Variants in HIVEP1 observed in about 807,000 individuals in gnomAD.
HIVEP1 encodes zinc finger protein 40.
Under a neutral mutation model 180.0 loss-of-function variants are expected in HIVEP1, and 36 were observed. The ratio of observed to expected loss-of-function variants is 0.20; its 90% confidence interval spans 0.15 to 0.26. The LOEUF (loss-of-function observed/expected upper bound fraction) is 0.26. Ranked by LOEUF, HIVEP1 falls within the 10% of genes least tolerant of loss-of-function variation. The pLI is 1.00. For synonymous variants in HIVEP1, 1,239 were observed against 1,239.0 expected (o/e 1.00, Z 0.00); for missense variants, 3,143 against 3,268.7 (o/e 0.96, Z 0.94).
chr6:12,091,389 T>G (rs1773464404), intron 3 of HIVEP1, among the ~76,000 whole-genome samples: 1 of 152,166 alleles, frequency 6.6e-6, no homozygotes, highest in Non-Finnish European at 1.5e-5. Flanking sequence ...TCTAAGGCTT[T>G]GTCTCCATTA....
the HIVEP1 span, among the ~76,000 whole-genome samples, chr6:12,172,896 A>T: frequency 1.3e-5 from 2 of 152,082 alleles, no homozygotes; most frequent in Non-Finnish European, 2.9e-5. Context: ...GTATTCATAA[A>T]ACATCCCATT....
intron 2 of HIVEP1, among the ~76,000 whole-genome samples, chr6:12,075,542 G>A (rs886159699): frequency 5.3e-5 from 8 of 149,924 alleles, no homozygotes; most frequent in African/African-American, 1.7e-4. Context: ...ACAACAACAC[G>A]TGTTGAGTTT....
chr6:12,128,518 C>T (rs988383128), intron 4 of HIVEP1, among the ~76,000 whole-genome samples: 8 of 152,106 alleles, frequency 5.3e-5, no homozygotes, highest in Non-Finnish European at 8.8e-5. Context: ...AAAAGTTGTG[C>T]GTTGCGTTGG....
rs373227572 is a variant in HIVEP1 at position 12,163,299 on chromosome 6, G to C, written c.6995G>C (p.Arg2332Thr). The C allele has an allele frequency of 5.6e-6, 9 of 1,613,770 alleles. No homozygotes were observed. In the East Asian group the frequency reaches 1.3e-4, roughly 24 times the overall value. The change falls in exon 9 of 9, where the codon AGA becomes ACA. Residue 2332 changes from arginine (R) to threonine (T), a missense_variant. Coordinates refer to ENST00000379388, the MANE Select transcript of HIVEP1 (RefSeq NM_002114.4). ...GTCATTTAGAGCCCATCATCTGTAA[G>C]ACTTCCTCCTGCTGCAGCTGAGCAC... Reference protein sequence around the residue: ...VAITQSPSSVRLPPAAAEHSP... With the variant: ...VAITQSPSSVTLPPAAAEHSP...
the HIVEP1 span, among the ~76,000 whole-genome samples, chr6:12,193,254 A>G: frequency 2.0e-5 from 3 of 152,150 alleles, no homozygotes; most frequent in Admixed American, 1.3e-4. Flanking sequence ...TACTTATCCT[A>G]TTTCCCATTT....
At chr6:12,103,691 G>A (rs982823457) in intron 3 of HIVEP1, among the ~76,000 whole-genome samples, 2 of 152,058 alleles carry the variant, frequency 1.3e-5, no homozygotes, top group African/African-American at 2.4e-5. Flanking sequence ...AGAGTATTGT[G>A]TAGGTCTTCA....
intron 7 of HIVEP1, among the ~76,000 whole-genome samples, chr6:12,141,098 A>T (rs1758994837): frequency 6.6e-6 from 1 of 152,196 alleles, no homozygotes; most frequent in African/African-American, 2.4e-5. Context: ...TGAAGGGAAA[A>T]ATGTTAAGGA....
chr6:12,167,730 A>G (rs187222892), downstream of HIVEP1, among the ~76,000 whole-genome samples: 1 of 115,106 alleles, frequency 8.7e-6, no homozygotes. Context: ...ATATACATAT[A>G]TACATGTGTA....
chr6:12,018,715 T>C (rs1338131472), intron 2 of HIVEP1, among the ~76,000 whole-genome samples: 1 of 152,228 alleles, frequency 6.6e-6, no homozygotes, highest in African/African-American at 2.4e-5. Flanking sequence ...TCTGCGAAGC[T>C]GACAAGGCAA....
chr6:12,154,171 C>A (rs963557569), intron 7 of HIVEP1, among the ~76,000 whole-genome samples: 8 of 152,214 alleles, frequency 5.3e-5, no homozygotes, highest in Non-Finnish European at 8.8e-5. Context: ...TGAATTTATT[C>A]TAGTCGTCTC....
rs758414281 is a variant in HIVEP1, at chr6:12,163,404, T to C, written c.7100T>C (p.Leu2367Pro). The change falls in exon 9 of 9, where the codon CTA becomes CCA. Residue 2367 changes from leucine to proline, a missense_variant. By Grantham distance (98) the Leu-to-Pro change is moderately conservative. Around this residue, in one of 12 missense-constraint regions of HIVEP1, gnomAD observed 595 missense variants for 602.2 expected, o/e 0.99. Coordinates refer to ENST00000379388, the MANE Select transcript of HIVEP1 (RefSeq NM_002114.4). ...CAAGAACAGAAGCAGCAAATAACTC[T>C]ACAGCCGACTCCAGGCTTGCCTTCT... is the stretch of plus-strand genomic sequence containing the variant. The part of the protein sequence containing the change: ...DPQEQKQQIT[L>P]QPTPGLPSPH... 6.2e-7 allele frequency: 1 copy of C among 1,614,170 alleles called. No individual in the cohort carries two copies. The highest frequency in any genetic ancestry group is 1.1e-5 in the South Asian group (1 of 91,086).
intron 2 of HIVEP1, among the ~76,000 whole-genome samples, chr6:12,017,840 A>G (rs1767918163): frequency 6.6e-6 from 1 of 152,218 alleles, no homozygotes; most frequent in African/African-American, 2.4e-5. Context: ...CCAGGTCCCC[A>G]CTAGACTCAG....
intron 2 of HIVEP1, among the ~76,000 whole-genome samples, chr6:12,020,891 T>TTTCTTTC (rs374527449): frequency 1.6e-4 from 2 of 12,338 alleles, no homozygotes; most frequent in East Asian, 2.5e-3. Flanking sequence ...TCTTTCTTTC[T>TTTCTTTC]TTTTTTTTTT....
intron 3 of HIVEP1, among the ~76,000 whole-genome samples, chr6:12,106,741 A>C (rs1339681127): frequency 6.6e-6 from 1 of 152,202 alleles, no homozygotes; most frequent in Non-Finnish European, 1.5e-5. Flanking sequence ...AGTCTACAGA[A>C]GTGATTAAAA....
intron 2 of HIVEP1, among the ~76,000 whole-genome samples, chr6:12,049,550 G>A (rs1770365852): frequency 6.6e-6 from 1 of 152,150 alleles, no homozygotes; most frequent in South Asian, 2.1e-4. Context: ...GTTAAAGGAG[G>A]GCTCTTAGAT....
At chr6:12,175,549 G>A in the HIVEP1 span, among the ~76,000 whole-genome samples, 3 of 152,182 alleles carry the variant, frequency 2.0e-5, no homozygotes, top group Non-Finnish European at 4.4e-5. Flanking sequence ...TATGAAGCAC[G>A]TATCACATGC....
At chr6:12,126,603 A>G (rs59856455) in intron 4 of HIVEP1, among the ~76,000 whole-genome samples, 2,229 of 152,352 alleles carry the variant, frequency 0.015, 22 homozygotes, top group Middle Eastern at 0.058. Context: ...TCGACTCTGC[A>G]TATTCAGAAG....
At chr6:12,011,288 T>G (rs941065778), upstream of HIVEP1, among the ~76,000 whole-genome samples, 1 of 91,912 alleles carries the variant, frequency 1.1e-5, no homozygotes. Flanking sequence ...CCCCCCCGCC[T>G]CCCCCTCCCC....
downstream of HIVEP1, among the ~76,000 whole-genome samples, chr6:12,168,194 G>A (rs865774060): frequency 3.6e-3 from 64 of 17,926 alleles, 5 homozygotes; most frequent in African/African-American, 5.5e-3. Flanking sequence ...AGATATACGT[G>A]TATATATACA....
Sources: gnomAD v4.1 joint callset for allele counts (sites outside exome capture counted in the v4.1 genomes callset) on GRCh38, gnomAD v4.1.1 for gene constraint, gnomAD v4.1.1 regional missense constraint, MANE v1.5 for transcripts, NCBI Gene and HGNC (gene_info 2026-07-23, HGNC 2026-07-21) for gene names.